Variants in ZNF654 observed in about 807,000 individuals in gnomAD.
ZNF654 encodes the protein zinc finger protein 654, also known as melanoma-associated antigen.
ZNF654 carries 19 observed loss-of-function variants against 95.3 expected under a neutral mutation model. The observed-to-expected ratio is 0.20, with a 90% CI of 0.14 to 0.29. The LOEUF (loss-of-function observed/expected upper bound fraction) is 0.29. Ranked by LOEUF, ZNF654 falls within the 10% of genes least tolerant of loss-of-function variation. ZNF654 has a pLI of 1.00. For missense variants in ZNF654, 1,046 were observed against 1,341.0 expected, an observed-to-expected ratio of 0.78 and a Z score of 3.44; for synonymous variants, 413 against 457.9, an observed-to-expected ratio of 0.90 and a Z score of 1.25.
At chr3:88,086,222 T>C (rs1182241909) in intron 1 of ZNF654, 35 bp from the exon 2 acceptor site, 2 of 1,494,784 alleles carry the variant, frequency 1.3e-6, no homozygotes, top group Non-Finnish European at 1.8e-6. Flanking sequence ...TTGAGAACTT[T>C]TTCTATAGTA....
Position 88,139,671 on chromosome 3 carries a change from G to A in ZNF654, c.2002G>A (p.Val668Ile), listed in dbSNP as rs767112324. The A allele has an allele frequency of 1.9e-6, 3 of 1,607,208 alleles. No homozygotes were observed. Among genetic ancestry groups the A allele is most frequent in the Non-Finnish European group, 2.6e-6 (3 of 1,176,190 alleles). Residue 668 changes from valine to isoleucine, a missense_variant, in exon 8 of 9, where the codon GTA becomes ATA. Val to Ile is a conservative substitution (Grantham distance 29). This residue lies in a region of ZNF654 where 495 missense variants were observed against 537.0 expected (regional missense o/e 0.92). Coordinates refer to ENST00000636215, the MANE Select transcript of ZNF654 (RefSeq NM_001350134.2). ...VAEFIEIPIS[V>I]PEDVIENVIE... Reference sequence around the variant, plus strand: ...TGAATTCATTGAAATTCCCATAAGTGTACCAGAAGATGTTATTGAAAATGT... The same window carrying A: ...TGAATTCATTGAAATTCCCATAAGTATACCAGAAGATGTTATTGAAAATGT...
chr3:88,103,620 A>G (rs1704559744), intron 2 of ZNF654, among the ~76,000 whole-genome samples: 1 of 152,208 alleles, frequency 6.6e-6, no homozygotes, highest in Non-Finnish European at 1.5e-5. Context: ...CTAGAACACA[A>G]GTAGGTGAAA....
At chr3:88,100,228 A>C (rs974477367) in intron 2 of ZNF654, among the ~76,000 whole-genome samples, 1 of 152,258 alleles carries the variant, frequency 6.6e-6, no homozygotes, top group Non-Finnish European at 1.5e-5. Context: ...AAAAATGCTC[A>C]TCATCACTGG....
chr3:88,072,598 C>CT (rs1257102031), intron 1 of ZNF654, among the ~76,000 whole-genome samples: 3 of 152,128 alleles, frequency 2.0e-5, no homozygotes, highest in Admixed American at 6.5e-5. Context: ...CAGATAGACT[C>CT]TTATTAGAGA....
intron 3 of ZNF654, among the ~76,000 whole-genome samples, chr3:88,122,357 A>G (rs1351449667): frequency 1.3e-5 from 2 of 152,172 alleles, no homozygotes; most frequent in African/African-American, 4.8e-5. Context: ...TAAAGTGGTA[A>G]GACTTTCATC....
At chr3:88,136,979 G>T (rs1023872588) in intron 7 of ZNF654, among the ~76,000 whole-genome samples, 8 of 151,998 alleles carry the variant, frequency 5.3e-5, no homozygotes, top group African/African-American at 1.5e-4. Flanking sequence ...CAGATCACTT[G>T]AGGCCAGAAG....
chr3:88,130,857 CTAGGGGT>C (rs954547476), intron 6 of ZNF654, among the ~76,000 whole-genome samples: 1 of 151,810 alleles, frequency 6.6e-6, no homozygotes, highest in African/African-American at 2.4e-5. Context: ...AATTTGTTTT[CTAGGGGT>C]TACAGTATAC....
In ZNF654 at chr3:88,139,965, C is replaced by T; in HGVS notation, c.2296C>T (p.His766Tyr). The stretch of plus-strand genomic sequence containing the variant: ...TAAAAGAATTGGGTTTCTAAATAAA[C>T]ATGCAATGACCGTACATCCAACCGA... The part of the protein sequence containing the change: ...IFKRIGFLNK[H>Y]AMTVHPTDLN... The change falls in exon 8 of 9, where the codon CAT becomes TAT. Residue 766 changes from histidine (H) to tyrosine (Y), a missense_variant. By Grantham distance (83) the His-to-Tyr change is moderately conservative. Coordinates refer to ENST00000636215, the MANE Select transcript of ZNF654 (RefSeq NM_001350134.2). 1 of 1,613,774 alleles carries T rather than the reference C, an allele frequency of 6.2e-7. No individual in the cohort carries two copies. The highest frequency in any genetic ancestry group is 8.5e-7 in the Non-Finnish European group (1 of 1,179,796).
intron 1 of ZNF654, among the ~76,000 whole-genome samples, chr3:88,078,742 G>T (rs1446507961): frequency 6.6e-6 from 1 of 152,060 alleles, no homozygotes; most frequent in Non-Finnish European, 1.5e-5. Flanking sequence ...ATCATATATG[G>T]ATTTCAGCAT....
intron 2 of ZNF654, among the ~76,000 whole-genome samples, chr3:88,092,646 T>G (rs1321151655): frequency 6.6e-6 from 1 of 152,244 alleles, no homozygotes; most frequent in Non-Finnish European, 1.5e-5. Flanking sequence ...ACATCATGAC[T>G]TTAAATTTTT....
At chr3:88,117,626 A>G (rs1705489889) in intron 3 of ZNF654, among the ~76,000 whole-genome samples, 1 of 152,158 alleles carries the variant, frequency 6.6e-6, no homozygotes, top group Non-Finnish European at 1.5e-5. Context: ...AAAATAAGGC[A>G]TTTTTATTAT....
intron 2 of ZNF654, among the ~76,000 whole-genome samples, chr3:88,096,557 T>C (rs1355077469): frequency 2.0e-5 from 3 of 152,166 alleles, no homozygotes; most frequent in Non-Finnish European, 2.9e-5. Context: ...TATTGAATTT[T>C]AGATTGGCAA....
intron 2 of ZNF654, among the ~76,000 whole-genome samples, chr3:88,089,191 TAAA>T (rs11328694): frequency 1.2e-4 from 16 of 131,200 alleles, no homozygotes; most frequent in African/African-American, 2.6e-4. Context: ...GCTTACGTAT[TAAA>T]AAAAAAAAAA....
intron 2 of ZNF654, among the ~76,000 whole-genome samples, chr3:88,103,066 G>A (rs555186524): frequency 2.0e-5 from 3 of 152,138 alleles, no homozygotes; most frequent in East Asian, 3.9e-4. Context: ...TTATAAGTGA[G>A]CACATGTGTT....
intron 2 of ZNF654, among the ~76,000 whole-genome samples, chr3:88,087,242 T>C (rs1182135373): frequency 6.6e-6 from 1 of 151,886 alleles, no homozygotes; most frequent in Non-Finnish European, 1.5e-5. Context: ...CATGCCTGGA[T>C]AATTTTTGTA....
intron 1 of ZNF654, among the ~76,000 whole-genome samples, chr3:88,078,902 CTG>C (rs1204192890): frequency 6.6e-5 from 10 of 152,110 alleles, no homozygotes; most frequent in African/African-American, 1.7e-4. Context: ...TATAAATTCT[CTG>C]TGAATTTTTT....
chr3:88,106,118 T>C (rs1385012175), intron 2 of ZNF654, among the ~76,000 whole-genome samples: 4 of 152,180 alleles, frequency 2.6e-5, no homozygotes, highest in African/African-American at 9.7e-5. Context: ...CAAATAAGTT[T>C]CTCTTCATTA....
At chr3:88,087,818 C>T (rs1045457254) in intron 2 of ZNF654, among the ~76,000 whole-genome samples, 42 of 152,280 alleles carry the variant, frequency 2.8e-4, no homozygotes, top group African/African-American at 9.4e-4. Context: ...CCAGGCCTTA[C>T]GGACAGGTTG....
intron 3 of ZNF654, among the ~76,000 whole-genome samples, chr3:88,122,326 A>G (rs760208031): frequency 1.3e-5 from 2 of 152,190 alleles, no homozygotes; most frequent in Non-Finnish European, 2.9e-5. Context: ...AGGTAAGTCC[A>G]GAAGTCCTTA....
Sources: gnomAD v4.1 joint callset for allele counts (sites outside exome capture counted in the v4.1 genomes callset) on GRCh38, gnomAD v4.1.1 for gene constraint, gnomAD v4.1.1 regional missense constraint, MANE v1.5 for transcripts, NCBI Gene and HGNC (gene_info 2026-07-23, HGNC 2026-07-21) for gene names.